The following COA6 variants were observed in gnomAD, a reference collection of about 807,000 sequenced individuals.
COA6 encodes cytochrome c oxidase assembly factor 6 homolog.
Under a neutral mutation model 17.1 loss-of-function variants are expected in COA6, and 12 were observed. That is an observed-to-expected ratio of 0.70 (90% CI 0.45 to 1.14). The LOEUF is 1.14. Ranked by LOEUF, COA6 falls within the 50% of genes most tolerant of loss-of-function variation. The probability of loss-of-function intolerance (pLI) is 0.00; values close to 1 mark genes in which losing one functional copy is unlikely to be tolerated. For synonymous variants in COA6, 90 were observed against 73.4 expected, an observed-to-expected ratio of 1.23 and a Z score of -1.16; for missense variants, 246 against 196.5, an observed-to-expected ratio of 1.25 and a Z score of -1.51.
rs1659072331 is a variant in COA6, at chr1:234,384,459, A to ATAAG, written c.*643_*646dup. The stretch of plus-strand genomic sequence containing the variant: ...ATGCACAAAAAGAGCTCCTAGAACT[A>ATAAG]TAAGTCAATCATAGAAAGGTTGCAG... On this transcript the variant is annotated 3_prime_UTR_variant, in exon 3 of 3. Coordinates refer to ENST00000366615, the MANE Select transcript of COA6 (RefSeq NM_001206641.3). Among the ~76,000 whole-genome samples the ATAAG allele has an allele frequency of 6.6e-6, 1 of 152,196 alleles. No individual in the cohort carries two copies. Among genetic ancestry groups the ATAAG allele is most frequent in the Non-Finnish European group, 1.5e-5 (1 of 68,034 alleles).
At chr1:234,382,802 C>T (rs1009848764) in intron 2 of COA6, among the ~76,000 whole-genome samples, 8 of 152,102 alleles carry the variant, frequency 5.3e-5, no homozygotes, top group Admixed American at 3.3e-4. Flanking sequence ...GTCAGGAGTT[C>T]GAGACCAGCC....
At chr1:234,382,089 C>T (rs1395291810) in intron 2 of COA6, among the ~76,000 whole-genome samples, 1 of 152,060 alleles carries the variant, frequency 6.6e-6, no homozygotes, top group African/African-American at 2.4e-5. Context: ...ATCTTACCAA[C>T]AAAGAAAAAG....
intron 2 of COA6, among the ~76,000 whole-genome samples, chr1:234,383,245 T>C (rs1005207455): frequency 6.6e-6 from 1 of 152,058 alleles, no homozygotes; most frequent in Non-Finnish European, 1.5e-5. Flanking sequence ...CTCAGTATGG[T>C]CTGTAATCCA....
chr1:234,378,803 G>A lies in COA6; in HGVS notation c.372+4414G>A, dbSNP rs530047053. 3.3e-5 allele frequency among the ~76,000 whole-genome samples: 5 copies of A among 152,172 alleles called. No individual in the cohort carries two copies. The South Asian group carries it at 1.0e-3, about 32-fold the overall frequency. ...CAGGAGAATTGCTTGAACCCGGGAG[G>A]TGGAGTTTCCAGTAAGCTGAGATTA... On this transcript the variant is annotated intron_variant, in intron 2 of 2. Transcript: ENST00000366615.
chr1:234,380,360 G>T (rs1213862792), intron 2 of COA6, among the ~76,000 whole-genome samples: 1 of 152,182 alleles, frequency 6.6e-6, no homozygotes, highest in Non-Finnish European at 1.5e-5. Context: ...TTTTCATTCA[G>T]TCTTGTGAGG....
chr1:234,383,826 A>G lies in COA6; in HGVS notation c.*8A>G, dbSNP rs745413879. The G allele has an allele frequency of 4.2e-6, 6 of 1,432,196 alleles. No individual in the cohort carries two copies. The African/African-American group carries it at 7.1e-5, about 17-fold the overall frequency. 88.7% of individuals were successfully genotyped at this position (1,432,196 alleles called of 1,614,324 possible). On this transcript the variant is annotated 3_prime_UTR_variant, in exon 3 of 3. Coordinates refer to ENST00000366615, the MANE Select transcript of COA6 (RefSeq NM_001206641.3). ...ACAACTGCAAAATCCTAGGCTGTTC[A>G]TAAAGATTGAAAGTATTCTTTCTGG...
rs768178452 is a variant in COA6 at position 234,383,761 on chromosome 1, C to CAAAG, written c.415_418dup (p.Lys140ArgfsTer4). The CAAAG allele has an allele frequency of 6.4e-6, 10 of 1,559,418 alleles. No homozygotes were observed. In the East Asian group the frequency reaches 2.2e-4, roughly 35 times the overall value. On this transcript the variant is annotated frameshift_variant, in exon 3 of 3. Coordinates refer to ENST00000366615, the MANE Select transcript of COA6 (RefSeq NM_001206641.3). LOFTEE classifies it high-confidence loss of function. ...ATAAAAGAAGAGACTACTTAAAATT[C>CAAAG]AAAGAAAAATTTGAAGCAGGACAAT...
At chr1:234,373,732 G>A (rs964823776) in intron 1 of COA6, 54 bp downstream of exon 1, 2 of 1,613,852 alleles carry the variant, frequency 1.2e-6, no homozygotes, top group Non-Finnish European at 1.7e-6. Flanking sequence ...GGCCCGGGAG[G>A]TCCCTTACTG....
intron 2 of COA6, among the ~76,000 whole-genome samples, chr1:234,378,418 A>G (rs1658870446): frequency 6.6e-6 from 1 of 152,224 alleles, no homozygotes; most frequent in Admixed American, 6.5e-5. Flanking sequence ...GATAAGTGAT[A>G]GGATGAAAAA....
chr1:234,374,850 G>T (rs1386914099), intron 2 of COA6, among the ~76,000 whole-genome samples: 1 of 152,154 alleles, frequency 6.6e-6, no homozygotes, highest in Admixed American at 6.5e-5. Context: ...TCATATGGTG[G>T]ATTCTGTCTC....
chr1:234,374,731 GCTA>G (rs567420551), intron 2 of COA6, among the ~76,000 whole-genome samples: 25 of 152,266 alleles, frequency 1.6e-4, no homozygotes, highest in Middle Eastern at 3.4e-3. Flanking sequence ...TTGACCTAGA[GCTA>G]CTATCAGAAA....
intron 1 of COA6, chr1:234,373,990 C>A: frequency 9.4e-7 from 1 of 1,066,254 alleles, no homozygotes; most frequent in Non-Finnish European, 1.3e-6. Flanking sequence ...GCCGCCCCAG[C>A]AGGGATCAAA....
chr1:234,379,969 T>TGTA (rs1658921021), intron 2 of COA6, among the ~76,000 whole-genome samples: 1 of 152,210 alleles, frequency 6.6e-6, no homozygotes, highest in African/African-American at 2.4e-5. Context: ...GATGGTGACC[T>TGTA]GCAAAGTTGT....
In COA6 at chr1:234,384,745, T is replaced by G. The variant is rs1205859309; in HGVS notation, c.*927T>G. On this transcript the variant is annotated 3_prime_UTR_variant, in exon 3 of 3. Coordinates refer to ENST00000366615, the MANE Select transcript of COA6 (RefSeq NM_001206641.3). ...CATGGATTCAACCCCGAAGAGAAAA[T>G]TTTTGGGAAAAGGAAAAACGAGTAA... 6.6e-6 allele frequency among the ~76,000 whole-genome samples: 1 copy of G among 152,044 alleles called. No homozygotes were observed. Among genetic ancestry groups the G allele is most frequent in the Non-Finnish European group, 1.5e-5 (1 of 67,990 alleles).
chr1:234,374,340 A>G lies in COA6; in HGVS notation c.323A>G (p.Gln108Arg). ...CLDENLEDAS[Q>R]CKKLRSSFES... ...GATGAGAACTTAGAGGATGCTTCTC[A>G]ATGCAAGAAGTTAAGAAGCTCTTTC... The change falls in exon 2 of 3, where the codon CAA (glutamine) becomes CGA (arginine). Residue 108 changes from glutamine (Q) to arginine (R), a missense_variant. Transcript: ENST00000366615. 6.2e-7 allele frequency: 1 copy of G among 1,614,116 alleles called. No individual in the cohort carries two copies. The highest frequency in any genetic ancestry group is 8.5e-7 in the Non-Finnish European group (1 of 1,180,028).
Position 234,374,214 on chromosome 1 carries a change from T to C in COA6, c.213-16T>C. The stretch of plus-strand genomic sequence containing the variant: ...CAAAGTTCATTGTTAATCTCAAATA[T>C]TATTTTGGCCAACAGCTTCATCGCA... On this transcript the variant is annotated splice_polypyrimidine_tract_variant and intron_variant, in intron 1 of 2. Coordinates refer to ENST00000366615, the MANE Select transcript of COA6 (RefSeq NM_001206641.3). 1 of 1,601,226 alleles carries C rather than the reference T, an allele frequency of 6.2e-7. No individual in the cohort carries two copies. Among genetic ancestry groups the C allele is most frequent in the South Asian group, 1.1e-5 (1 of 89,798 alleles).
At chr1:234,382,894 C>G (rs1366464284) in intron 2 of COA6, among the ~76,000 whole-genome samples, 1 of 152,152 alleles carries the variant, frequency 6.6e-6, no homozygotes, top group Non-Finnish European at 1.5e-5. Flanking sequence ...GTAATTGCAG[C>G]TACTTGGGAG....
chr1:234,378,628 C>CT, intron 2 of COA6, among the ~76,000 whole-genome samples: 1 of 152,178 alleles, frequency 6.6e-6, no homozygotes, highest in East Asian at 1.9e-4. Flanking sequence ...AATCCCAGCA[C>CT]TTTGGGAGGC....
chr1:234,383,440 G>T (rs1247814444), intron 2 of COA6, among the ~76,000 whole-genome samples: 1 of 151,672 alleles, frequency 6.6e-6, no homozygotes, highest in Admixed American at 6.6e-5. Context: ...ATGTTAAATG[G>T]CGAGTTACTG....
Sources: gnomAD v4.1 joint callset for allele counts (sites outside exome capture counted in the v4.1 genomes callset) on GRCh38, gnomAD v4.1.1 for gene constraint, MANE v1.5 for transcripts, NCBI Gene and HGNC (gene_info 2026-07-23, HGNC 2026-07-21) for gene names.